TCF7L1: variants seen among roughly 807,000 people sequenced by gnomAD.
TCF7L1 encodes the protein transcription factor 7 like 1.
A neutral mutation model predicts 63.7 loss-of-function variants in TCF7L1; 18 were observed. The observed-to-expected ratio is 0.28, with a 90% CI of 0.20 to 0.42. The LOEUF (loss-of-function observed/expected upper bound fraction) is 0.42. TCF7L1 is among the 10% of genes least tolerant of loss of function. TCF7L1 has a pLI of 1.00. For synonymous variants in TCF7L1, 355 were observed against 340.9 expected (o/e 1.04, Z -0.46); for missense variants, 654 against 779.3 (o/e 0.84, Z 1.91).
At chr2:85,164,366 C>T (rs993968355) in intron 3 of TCF7L1, among the ~76,000 whole-genome samples, 2 of 152,154 alleles carry the variant, frequency 1.3e-5, no homozygotes, top group South Asian at 2.1e-4. Flanking sequence ...CCCCTCTTGC[C>T]TAAGATGAAG....
chr2:85,300,686 T>C (rs539015071), intron 4 of TCF7L1, among the ~76,000 whole-genome samples: 10 of 152,144 alleles, frequency 6.6e-5, no homozygotes, highest in Middle Eastern at 3.4e-3. Context: ...GAAAGAAAGG[T>C]CTCATGGAAT....
intron 4 of TCF7L1, among the ~76,000 whole-genome samples, chr2:85,291,548 TGTTTTGGTTTTA>T (rs765481702): frequency 2.7e-5 from 4 of 149,524 alleles, no homozygotes; most frequent in Admixed American, 2.0e-4. Context: ...TGTATGTGTT[TGTTTTGGTTTTA>T]GTTTTGGTTT....
At chr2:85,207,725 A>G (rs1035758982) in intron 3 of TCF7L1, among the ~76,000 whole-genome samples, 7 of 152,056 alleles carry the variant, frequency 4.6e-5, no homozygotes, top group South Asian at 2.1e-4. Flanking sequence ...CAAAAGTGAT[A>G]CACGTTCAGT....
chr2:85,135,989 C>T (rs1677585114), intron 3 of TCF7L1, among the ~76,000 whole-genome samples: 1 of 152,040 alleles, frequency 6.6e-6, no homozygotes, highest in African/African-American at 2.4e-5. Context: ...TGATTCCCAC[C>T]AGTGCCCACA....
chr2:85,170,023 C>A (rs946079782), intron 3 of TCF7L1, among the ~76,000 whole-genome samples: 4 of 152,228 alleles, frequency 2.6e-5, no homozygotes, highest in Non-Finnish European at 5.9e-5. Context: ...ATCGCATAAA[C>A]CTGCGTTCTG....
At chr2:85,190,724 T>C (rs1679024159) in intron 3 of TCF7L1, among the ~76,000 whole-genome samples, 1 of 152,218 alleles carries the variant, frequency 6.6e-6, no homozygotes, top group Non-Finnish European at 1.5e-5. Context: ...GAATCTTCTA[T>C]TTATTGGGAA....
intron 3 of TCF7L1, among the ~76,000 whole-genome samples, chr2:85,269,094 G>C (rs1175506651): frequency 6.6e-6 from 1 of 152,152 alleles, no homozygotes; most frequent in Non-Finnish European, 1.5e-5. Context: ...AGACAATAGT[G>C]GTGTGTCCTG....
At chr2:85,247,259 T>C (rs1386212783) in intron 3 of TCF7L1, among the ~76,000 whole-genome samples, 2 of 152,240 alleles carry the variant, frequency 1.3e-5, no homozygotes, top group East Asian at 3.8e-4. Flanking sequence ...ATTATTAACC[T>C]CTCCCTCTTA....
intron 3 of TCF7L1, among the ~76,000 whole-genome samples, chr2:85,241,399 C>T (rs1294622699): frequency 1.4e-5 from 2 of 147,592 alleles, no homozygotes; most frequent in East Asian, 4.0e-4. Context: ...AGCCTCTTTG[C>T]ACTCTTTGAT....
In TCF7L1 at chr2:85,280,695, G is replaced by A. The variant is rs565756719; in HGVS notation, c.442-2800G>A. On this transcript the variant is annotated intron_variant, in intron 3 of 11. Transcript: ENST00000282111. ...TAAAACCAGAAATGTTCAAGTTGTT[G>A]CTTCTAGAAAAACGAGTGTGGTGTT... is the stretch of plus-strand genomic sequence containing the variant. Among the ~76,000 whole-genome samples the A allele has an allele frequency of 2.0e-5, 3 of 152,306 alleles. No individual in the cohort carries two copies. In the South Asian group the frequency reaches 6.2e-4, roughly 32 times the overall value.
chr2:85,157,590 G>A (rs1678180161), intron 3 of TCF7L1, among the ~76,000 whole-genome samples: 1 of 152,238 alleles, frequency 6.6e-6, no homozygotes, highest in South Asian at 2.1e-4. Flanking sequence ...GGACAAGGCA[G>A]TGAAGATGCT....
intron 3 of TCF7L1, among the ~76,000 whole-genome samples, chr2:85,203,937 TCTC>T (rs1679335615): frequency 6.6e-6 from 1 of 151,854 alleles, no homozygotes; most frequent in Non-Finnish European, 1.5e-5. Context: ...GCAAGGGAAA[TCTC>T]CTAAACGACT....
chr2:85,218,228 T>TTA (rs1679755018), intron 3 of TCF7L1, among the ~76,000 whole-genome samples: 1 of 146,200 alleles, frequency 6.8e-6, no homozygotes, highest in Non-Finnish European at 1.5e-5. Context: ...CTTTTCTAAC[T>TTA]TTACTTATTT....
intron 3 of TCF7L1, among the ~76,000 whole-genome samples, chr2:85,171,522 ATG>A (rs963412849): frequency 6.6e-6 from 1 of 152,244 alleles, no homozygotes; most frequent in Non-Finnish European, 1.5e-5. Context: ...GTAGACATGA[ATG>A]AGATGATCTG....
chr2:85,247,386 AC>A (rs1680490625), intron 3 of TCF7L1, among the ~76,000 whole-genome samples: 1 of 152,240 alleles, frequency 6.6e-6, no homozygotes, highest in South Asian at 2.1e-4. Flanking sequence ...CCAGAAAGCA[AC>A]AGCTAAGTTA....
At chr2:85,308,783 A>C (rs1342973826) in intron 11 of TCF7L1, among the ~76,000 whole-genome samples, 1 of 152,044 alleles carries the variant, frequency 6.6e-6, no homozygotes, top group African/African-American at 2.4e-5. Flanking sequence ...GTCCTGTGAG[A>C]CACTGAGCCG....
intron 3 of TCF7L1, among the ~76,000 whole-genome samples, chr2:85,204,707 C>T (rs1303018134): frequency 6.6e-6 from 1 of 151,902 alleles, no homozygotes; most frequent in African/African-American, 2.4e-5. Flanking sequence ...TAAATTCTGC[C>T]AAAATACCAT....
intron 3 of TCF7L1, among the ~76,000 whole-genome samples, chr2:85,164,540 G>A (rs375376528): frequency 1.6e-4 from 25 of 152,212 alleles, no homozygotes; most frequent in East Asian, 1.4e-3. Flanking sequence ...TTCCATTCCC[G>A]TAGCTATTCT....
intron 3 of TCF7L1, among the ~76,000 whole-genome samples, chr2:85,241,784 T>A (rs1680339870): frequency 6.6e-6 from 1 of 152,162 alleles, no homozygotes; most frequent in African/African-American, 2.4e-5. Context: ...TGCATGATAA[T>A]TCAGGCCCCA....
Sources: gnomAD v4.1 joint callset for allele counts (sites outside exome capture counted in the v4.1 genomes callset) on GRCh38, gnomAD v4.1.1 for gene constraint, MANE v1.5 for transcripts, NCBI Gene and HGNC (gene_info 2026-07-23, HGNC 2026-07-21) for gene names.